The following CDH4 variants were observed in gnomAD, a reference collection of about 807,000 sequenced individuals.
CDH4 encodes cadherin 4, also known as cadherin-4.
CDH4 carries 33 observed loss-of-function variants against 86.0 expected under a neutral mutation model. The ratio of observed to expected loss-of-function variants is 0.38; its 90% CI spans 0.29 to 0.51. The LOEUF is 0.51. Among genes scored for constraint, CDH4 ranks in the 20% least tolerant of loss-of-function variants. The pLI is 0.86. For missense variants in CDH4, 1,114 were observed against 1,307.4 expected (o/e 0.85, Z 2.28); for synonymous variants, 555 against 549.4 (o/e 1.01, Z -0.14).
intron 2 of CDH4, among the ~76,000 whole-genome samples, chr20:61,303,161 G>A (rs1164210911): frequency 6.6e-6 from 1 of 152,254 alleles, no homozygotes; most frequent in Admixed American, 6.5e-5. Context: ...GAGACCCAAA[G>A]CATGTGGCTC....
intron 2 of CDH4, among the ~76,000 whole-genome samples, chr20:61,299,965 G>C (rs368009117): frequency 7.2e-5 from 11 of 152,152 alleles, no homozygotes; most frequent in African/African-American, 2.7e-4. Flanking sequence ...TGTGTAGAGG[G>C]GGGACCAGGT....
At chr20:61,591,304 C>G (rs1347606452) in intron 2 of CDH4, among the ~76,000 whole-genome samples, 1 of 152,218 alleles carries the variant, frequency 6.6e-6, no homozygotes, top group Non-Finnish European at 1.5e-5. Context: ...AGCAATAAGC[C>G]TATTCCATGT....
Position 61,913,044 on chromosome 20 carries a change from G to T in CDH4, c.1374+2437G>T, listed in dbSNP as rs1226310080. On this transcript the variant is annotated intron_variant, in intron 9 of 15. Coordinates refer to ENST00000614565, the MANE Select transcript of CDH4 (RefSeq NM_001794.5). ...CCTTCCCCAGTGAGTAGCGAGCCTC[G>T]GCCCATCTCCTGCTTGTGATTCCAA... is the stretch of plus-strand genomic sequence containing the variant. Among the ~76,000 whole-genome samples the T allele has an allele frequency of 2.0e-5, 3 of 152,166 alleles. No homozygotes were observed. In the Middle Eastern group the frequency reaches 0.01, roughly 518 times the overall value.
Position 61,852,836 on chromosome 20 carries a change from A to G in CDH4, c.815A>G (p.Asp272Gly). ...DLYIYVIDMN[D>G]NRPEFINQVY... Reference sequence around the variant, plus strand: ...TACATCTACGTCATCGACATGAATGACAACCGCCCTGAGTTCATCAACCAG... The same window carrying G: ...TACATCTACGTCATCGACATGAATGGCAACCGCCCTGAGTTCATCAACCAG... The change falls in exon 6 of 16, where the codon GAC (aspartate) becomes GGC (glycine). Residue 272 changes from aspartate (D) to glycine (G), a missense_variant. Asp to Gly is a moderately conservative substitution (Grantham distance 94). This residue lies in a region of CDH4 where 705 missense variants were observed against 914.1 expected (regional missense o/e 0.77). Coordinates refer to ENST00000614565, the MANE Select transcript of CDH4 (RefSeq NM_001794.5). The G allele has an allele frequency of 6.2e-7, 1 of 1,614,124 alleles. No homozygotes were observed. The highest frequency in any genetic ancestry group is 8.5e-7 in the Non-Finnish European group (1 of 1,179,994).
chr20:61,645,713 T>G (rs1011986048), intron 2 of CDH4, among the ~76,000 whole-genome samples: 5 of 152,004 alleles, frequency 3.3e-5, no homozygotes, highest in Non-Finnish European at 7.4e-5. Flanking sequence ...ACACCCACTC[T>G]ATTTCACCCC....
chr20:61,880,651 G>C (rs1984234796), intron 7 of CDH4, among the ~76,000 whole-genome samples: 1 of 152,218 alleles, frequency 6.6e-6, no homozygotes, highest in Non-Finnish European at 1.5e-5. Flanking sequence ...CAGGCCAGCA[G>C]GTCACCCCCA....
chr20:61,665,281 C>T (rs1375050898), intron 2 of CDH4, among the ~76,000 whole-genome samples: 1 of 152,236 alleles, frequency 6.6e-6, no homozygotes, highest in Non-Finnish European at 1.5e-5. Flanking sequence ...CACCAGGGCT[C>T]CCGCCCTTCA....
intron 8 of CDH4, among the ~76,000 whole-genome samples, chr20:61,907,630 G>A (rs1185484829): frequency 4.6e-5 from 7 of 152,086 alleles, no homozygotes; most frequent in Non-Finnish European, 7.4e-5. Context: ...ACTCCTGGGC[G>A]GCTCAAAACG....
intron 4 of CDH4, among the ~76,000 whole-genome samples, chr20:61,787,181 C>T (rs993540971): frequency 3.3e-5 from 5 of 152,168 alleles, no homozygotes; most frequent in Non-Finnish European, 7.3e-5. Context: ...CATGCATTCA[C>T]TAAGCCTTTC....
At chr20:61,282,402 T>C (rs886788788) in intron 2 of CDH4, among the ~76,000 whole-genome samples, 1 of 152,194 alleles carries the variant, frequency 6.6e-6, no homozygotes, top group Non-Finnish European at 1.5e-5. Flanking sequence ...TCCCTCTTAC[T>C]TTCATAAAAC....
At chr20:61,773,566 C>A (rs755106776) in intron 4 of CDH4, among the ~76,000 whole-genome samples, 1 of 152,164 alleles carries the variant, frequency 6.6e-6, no homozygotes, top group Non-Finnish European at 1.5e-5. Context: ...ACGATCCCTG[C>A]GCCGAGGCCA....
chr20:61,265,351 G>A (rs537130311), intron 2 of CDH4, among the ~76,000 whole-genome samples: 4 of 149,164 alleles, frequency 2.7e-5, no homozygotes, highest in Admixed American at 1.3e-4. Context: ...ACATATCTCA[G>A]TGGCTCCTTC....
chr20:61,804,074 T>C (rs1979987253), intron 4 of CDH4, among the ~76,000 whole-genome samples: 1 of 152,164 alleles, frequency 6.6e-6, no homozygotes, highest in East Asian at 1.9e-4. Context: ...CACGAGCTTG[T>C]TGTTGGTAAG....
chr20:61,462,128 G>T (rs1363457633), intron 2 of CDH4, among the ~76,000 whole-genome samples: 1 of 152,224 alleles, frequency 6.6e-6, no homozygotes, highest in Non-Finnish European at 1.5e-5. Context: ...AAGCACTGTG[G>T]CTTTGCAAAC....
rs2087279826 is a variant in CDH4, at chr20:61,663,122, A to C, written c.170-80441A>C. On this transcript the variant is annotated intron_variant, in intron 2 of 15. Coordinates refer to ENST00000614565, the MANE Select transcript of CDH4 (RefSeq NM_001794.5). The surrounding 1 kb of genome is among the most constrained non-coding windows in gnomAD (Gnocchi z 5.0). ...TCGACATGAAGCAAACCATTGTTAAAATATTGACTGGAGGAGAAATGGAAA... is the reference window on the plus strand; with the variant it reads ...TCGACATGAAGCAAACCATTGTTAACATATTGACTGGAGGAGAAATGGAAA... Among the ~76,000 whole-genome samples, 1 of 152,206 alleles carries C rather than the reference A, an allele frequency of 6.6e-6. No individual in the cohort carries two copies. The highest frequency in any genetic ancestry group is 2.4e-5 in the African/African-American group (1 of 41,462).
intron 2 of CDH4, among the ~76,000 whole-genome samples, chr20:61,545,079 G>A (rs1004749150): frequency 2.6e-5 from 4 of 152,148 alleles, no homozygotes; most frequent in Non-Finnish European, 4.4e-5. Flanking sequence ...GGTCTGACGC[G>A]GAGACAGTGT....
At chr20:61,688,469 G>A (rs2087613502) in intron 2 of CDH4, among the ~76,000 whole-genome samples, 1 of 152,154 alleles carries the variant, frequency 6.6e-6, no homozygotes, top group Non-Finnish European at 1.5e-5. Flanking sequence ...ACACATTCAG[G>A]GTCTTCACGT....
At chr20:61,573,365 C>T (rs1371737439) in intron 2 of CDH4, among the ~76,000 whole-genome samples, 1 of 152,230 alleles carries the variant, frequency 6.6e-6, no homozygotes, top group African/African-American at 2.4e-5. Flanking sequence ...GAGATTTGCT[C>T]ATTTCAGAAA....
At chr20:61,611,513 G>C (rs1291068362) in intron 2 of CDH4, among the ~76,000 whole-genome samples, 1 of 151,982 alleles carries the variant, frequency 6.6e-6, no homozygotes, top group East Asian at 1.9e-4. Context: ...TGTGGGCAAG[G>C]CTCCCTCTGG....
Sources: allele counts gnomAD v4.1 joint callset (sites outside exome capture counted in the v4.1 genomes callset), GRCh38; gene constraint gnomAD v4.1.1; regional missense constraint gnomAD v4.1.1; non-coding constraint Gnocchi (gnomAD v3.1); transcripts MANE v1.5; gene names NCBI Gene and HGNC (gene_info 2026-07-23, HGNC 2026-07-21).